The following SV2C variants were observed in gnomAD, a reference collection of about 807,000 sequenced individuals.
SV2C encodes synaptic vesicle glycoprotein 2C, also known as solute carrier family 22 member B3.
In SV2C, 49 loss-of-function variants were observed where a neutral mutation model predicts 79.7. The ratio of observed to expected loss-of-function variants is 0.61; its 90% confidence interval spans 0.49 to 0.78. The LOEUF (loss-of-function observed/expected upper bound fraction) is 0.78. Ranked by LOEUF, SV2C falls within the 30% of genes least tolerant of loss-of-function variation. The pLI, the probability that SV2C is intolerant of heterozygous loss-of-function variation, is 0.00. For missense variants in SV2C, 833 were observed against 912.9 expected, an observed-to-expected ratio of 0.91 and a Z score of 1.13; for synonymous variants, 334 against 333.2, an observed-to-expected ratio of 1.00 and a Z score of -0.03.
At chr5:76,320,446 G>A (rs567816234) in intron 12 of SV2C, among the ~76,000 whole-genome samples, 3 of 152,216 alleles carry the variant, frequency 2.0e-5, no homozygotes, top group African/African-American at 7.2e-5. Flanking sequence ...TAATAACAAC[G>A]TGTCAATATT....
At chr5:75,992,096 G>A in the SV2C span, among the ~76,000 whole-genome samples, 2 of 151,828 alleles carry the variant, frequency 1.3e-5, no homozygotes. Flanking sequence ...ATTATTAGAT[G>A]TATTTCTGAA....
chr5:76,335,924 A>G (rs1024862820), downstream of SV2C, among the ~76,000 whole-genome samples: 8 of 152,136 alleles, frequency 5.3e-5, no homozygotes, highest in African/African-American at 9.7e-5. Context: ...CCCGTTCTCA[A>G]TGAGCTGTTG....
At chr5:76,040,216 T>G in the SV2C span, among the ~76,000 whole-genome samples, 1 of 152,180 alleles carries the variant, frequency 6.6e-6, no homozygotes, top group Non-Finnish European at 1.5e-5. Flanking sequence ...AGAAGATAAT[T>G]AAGTCAGAAA....
chr5:76,231,025 ACT>A (rs1382016889), intron 4 of SV2C, among the ~76,000 whole-genome samples: 3 of 152,144 alleles, frequency 2.0e-5, no homozygotes, highest in African/African-American at 7.2e-5. Context: ...TGGATTAGGA[ACT>A]CTCTGAATGA....
At chr5:76,129,149 C>A (rs1282022022) in intron 1 of SV2C, among the ~76,000 whole-genome samples, 1 of 152,182 alleles carries the variant, frequency 6.6e-6, no homozygotes, top group African/African-American at 2.4e-5. Context: ...TGTAGATTCA[C>A]ATGCAGTTGT....
chr5:75,945,152 T>C, the SV2C span, among the ~76,000 whole-genome samples: 93 of 152,194 alleles, frequency 6.1e-4, 1 homozygote, highest in South Asian at 7.5e-3. Context: ...GGTAAGAAGA[T>C]ACAAGTTCCC....
chr5:76,070,221 C>T, the SV2C span, among the ~76,000 whole-genome samples: 2 of 152,162 alleles, frequency 1.3e-5, no homozygotes, highest in Non-Finnish European at 2.9e-5. Flanking sequence ...TGCCCACCTG[C>T]CCATGATCCA....
the SV2C span, among the ~76,000 whole-genome samples, chr5:76,073,521 A>G: frequency 2.0e-4 from 25 of 124,032 alleles, no homozygotes; most frequent in African/African-American, 8.3e-4. Context: ...ATATATATAT[A>G]TATATATATA....
chr5:75,982,085 TG>T, the SV2C span, among the ~76,000 whole-genome samples: 1 of 51,508 alleles, frequency 1.9e-5, no homozygotes. Context: ...TGTTGTGGGG[TG>T]GGGGGAGGGG....
At chr5:76,290,493 C>A (rs2112503898) in intron 6 of SV2C, among the ~76,000 whole-genome samples, 1 of 152,316 alleles carries the variant, frequency 6.6e-6, no homozygotes, top group South Asian at 2.1e-4. Context: ...ACCCATTCTT[C>A]ATTTTTTTCT....
chr5:75,961,516 A>G, the SV2C span, among the ~76,000 whole-genome samples: 1 of 151,932 alleles, frequency 6.6e-6, no homozygotes, highest in African/African-American at 2.4e-5. Flanking sequence ...TAAAATCATA[A>G]TTATTTTGTT....
At chr5:75,882,415 G>A in the SV2C span, among the ~76,000 whole-genome samples, 301 of 149,862 alleles carry the variant, frequency 2.0e-3, 4 homozygotes, top group Admixed American at 7.3e-3. Context: ...AGTTCATATG[G>A]AACCAAAAAA....
intron 2 of SV2C, among the ~76,000 whole-genome samples, chr5:76,137,643 A>G (rs574560435): frequency 5.2e-4 from 79 of 152,352 alleles, no homozygotes; most frequent in African/African-American, 1.9e-3. Context: ...AAAATAACTA[A>G]CAGCCAGAAG....
the SV2C span, among the ~76,000 whole-genome samples, chr5:76,070,013 T>C: frequency 2.0e-5 from 3 of 152,144 alleles, no homozygotes; most frequent in Admixed American, 6.5e-5. Flanking sequence ...GTGTGCTGGC[T>C]TATCACTTAT....
At chr5:76,201,338 A>G (rs1200707625) in intron 3 of SV2C, among the ~76,000 whole-genome samples, 1 of 152,224 alleles carries the variant, frequency 6.6e-6, no homozygotes, top group Non-Finnish European at 1.5e-5. Flanking sequence ...ACTGTTAATT[A>G]TGGGAATGAT....
the SV2C span, among the ~76,000 whole-genome samples, chr5:75,987,847 T>G: frequency 6.6e-6 from 1 of 152,180 alleles, no homozygotes; most frequent in Admixed American, 6.6e-5. Context: ...TGTAGAATAG[T>G]CAGAGTGGGC....
At chr5:75,904,151 G>T in the SV2C span, among the ~76,000 whole-genome samples, 1 of 152,044 alleles carries the variant, frequency 6.6e-6, no homozygotes, top group East Asian at 1.9e-4. Context: ...GATATAGTTT[G>T]GTGGGTTTTT....
At chr5:75,906,504 G>C in the SV2C span, among the ~76,000 whole-genome samples, 1 of 151,772 alleles carries the variant, frequency 6.6e-6, no homozygotes, top group Non-Finnish European at 1.5e-5. Flanking sequence ...TAGGCAAATG[G>C]GTTTCTAGAA....
Position 76,331,189 on chromosome 5 carries a change from T to G in SV2C, c.*5642T>G, listed in dbSNP as rs985864764. ...CCCGCTTTCTTCTGAGGTGTTCTTTTCATGGTGTGAAACCAGAGACAGGAG... is the reference window on the plus strand; with the variant it reads ...CCCGCTTTCTTCTGAGGTGTTCTTTGCATGGTGTGAAACCAGAGACAGGAG... On this transcript the variant is annotated 3_prime_UTR_variant, in exon 13 of 13. Coordinates refer to ENST00000502798, the MANE Select transcript of SV2C (RefSeq NM_014979.4). The G allele has an allele frequency of 1.2e-4, 18 of 152,288 alleles. No individual in the cohort carries two copies. Among genetic ancestry groups the G allele is most frequent in the African/African-American group, 4.1e-4 (17 of 41,452 alleles). The allele number at this position is 152,288 out of a possible 1,614,324, so 9.4% of individuals were successfully genotyped here.
Sources: gnomAD v4.1 joint callset for allele counts (sites outside exome capture counted in the v4.1 genomes callset) on GRCh38, gnomAD v4.1.1 for gene constraint, MANE v1.5 for transcripts, NCBI Gene and HGNC (gene_info 2026-07-23, HGNC 2026-07-21) for gene names.